The following SORCS1 variants were observed in gnomAD, a reference collection of about 807,000 sequenced individuals.
The protein encoded by SORCS1 is sortilin related VPS10 domain containing receptor 1.
SORCS1 carries 60 observed loss-of-function variants against 146.1 expected under a neutral mutation model. The observed-to-expected ratio is 0.41, with a 90% CI of 0.33 to 0.51. SORCS1 has a LOEUF of 0.51. Ranked by LOEUF, SORCS1 falls within the 20% of genes least tolerant of loss-of-function variation. The probability of loss-of-function intolerance (pLI) is 0.21; values close to 1 mark genes in which losing one functional copy is unlikely to be tolerated. For synonymous variants in SORCS1, 637 were observed against 584.0 expected (o/e 1.09, Z -1.31); for missense variants, 1,352 against 1,487.6 (o/e 0.91, Z 1.50).
intron 2 of SORCS1, among the ~76,000 whole-genome samples, chr10:106,920,353 G>A (rs1038834471): frequency 6.6e-6 from 1 of 152,170 alleles, no homozygotes; most frequent in African/African-American, 2.4e-5. Context: ...AACTCTGGCA[G>A]GCCCCCGGGC....
intron 1 of SORCS1, among the ~76,000 whole-genome samples, chr10:107,155,394 G>T (rs1969195917): frequency 6.6e-6 from 1 of 152,080 alleles, no homozygotes; most frequent in Non-Finnish European, 1.5e-5. Context: ...TAGATGCCTG[G>T]TCCCTTCTCC....
chr10:106,620,248 C>CAG (rs112818359), intron 20 of SORCS1, 180 bp downstream of exon 20: 34,531 of 585,060 alleles, frequency 0.059, 535 homozygotes, highest in East Asian at 0.16. Flanking sequence ...GGAGAGGGGC[C>CAG]AGAGAGAGAG....
chr10:106,935,959 AAATTT>A (rs2138658714), intron 2 of SORCS1, among the ~76,000 whole-genome samples: 1 of 152,248 alleles, frequency 6.6e-6, no homozygotes, highest in East Asian at 1.9e-4. Context: ...CTTGAGAATT[AAATTT>A]AAGAACTGGT....
Position 106,575,460 on chromosome 10 carries a change from A to C in SORCS1, c.*1960T>G. On this transcript the variant is annotated 3_prime_UTR_variant, in exon 26 of 26. Transcript: ENST00000263054. The stretch of plus-strand genomic sequence containing the variant: ...GCAAAGAAGGAGGCTGAGCATACTA[A>C]GAGGTTTATCAGAACTTCTTTCTCC... 6.6e-6 allele frequency: 1 copy of C among 152,228 alleles called. No individual in the cohort carries two copies. The highest frequency in any genetic ancestry group is 1.9e-4 in the East Asian group (1 of 5,198). 9.4% of individuals were successfully genotyped at this position (152,228 alleles called of 1,614,324 possible).
chr10:106,704,846 C>T (rs1422322707), intron 8 of SORCS1, among the ~76,000 whole-genome samples: 1 of 152,052 alleles, frequency 6.6e-6, no homozygotes. Context: ...AGGTGCAAAT[C>T]CTGCAAGTCA....
chr10:106,775,338 C>T (rs887518893), intron 4 of SORCS1, among the ~76,000 whole-genome samples: 6 of 152,154 alleles, frequency 3.9e-5, no homozygotes, highest in Admixed American at 1.3e-4. Flanking sequence ...ATTGTACATT[C>T]TGCTGAAAGG....
chr10:106,836,537 C>A (rs1364905449), intron 2 of SORCS1, among the ~76,000 whole-genome samples: 1 of 146,764 alleles, frequency 6.8e-6, no homozygotes, highest in East Asian at 2.1e-4. Context: ...GCATCCTTAA[C>A]TCCATACTGC....
chr10:106,622,708 C>T (rs1340117297), intron 19 of SORCS1, among the ~76,000 whole-genome samples: 1 of 152,182 alleles, frequency 6.6e-6, no homozygotes, highest in Non-Finnish European at 1.5e-5. Flanking sequence ...CTGCTAACGA[C>T]TCTGTTTTTC....
intron 6 of SORCS1, among the ~76,000 whole-genome samples, chr10:106,723,747 T>C (rs1377082957): frequency 4.6e-5 from 7 of 152,198 alleles, no homozygotes; most frequent in Admixed American, 2.6e-4. Flanking sequence ...AAAGTACTAG[T>C]TTATATAAAT....
intron 17 of SORCS1, among the ~76,000 whole-genome samples, chr10:106,664,840 T>C (rs1476635228): frequency 1.3e-5 from 2 of 152,114 alleles, no homozygotes; most frequent in Non-Finnish European, 2.9e-5. Flanking sequence ...AATCAATTCT[T>C]AAATTAGCTT....
At chr10:107,095,046 G>C (rs1223082259) in intron 1 of SORCS1, among the ~76,000 whole-genome samples, 1 of 152,118 alleles carries the variant, frequency 6.6e-6, no homozygotes, top group Non-Finnish European at 1.5e-5. Flanking sequence ...ATCCCCCCTG[G>C]CCTAGTGTAG....
the SORCS1 span, among the ~76,000 whole-genome samples, chr10:107,176,401 T>G: frequency 7.2e-5 from 11 of 151,856 alleles, no homozygotes; most frequent in South Asian, 2.3e-3. Flanking sequence ...AGTGGTGTGA[T>G]CACTTCTTGC....
chr10:107,129,764 T>C (rs1371422448), intron 1 of SORCS1, among the ~76,000 whole-genome samples: 1 of 152,252 alleles, frequency 6.6e-6, no homozygotes, highest in Non-Finnish European at 1.5e-5. Context: ...AATAACTTCT[T>C]TGATGGCTTG....
chr10:106,950,298 G>T (rs567600963), intron 2 of SORCS1, among the ~76,000 whole-genome samples: 1 of 152,336 alleles, frequency 6.6e-6, no homozygotes, highest in East Asian at 1.9e-4. Flanking sequence ...GTCTTGCCTG[G>T]TTTGTTGATA....
chr10:106,984,433 A>G (rs1956372002), intron 1 of SORCS1, among the ~76,000 whole-genome samples: 1 of 139,984 alleles, frequency 7.1e-6, no homozygotes, highest in East Asian at 2.1e-4. Flanking sequence ...TTGCTCTGTC[A>G]TCCAGGCTAG....
At chr10:106,955,235 A>G (rs1164829710) in intron 2 of SORCS1, among the ~76,000 whole-genome samples, 2 of 152,192 alleles carry the variant, frequency 1.3e-5, no homozygotes, top group African/African-American at 2.4e-5. Flanking sequence ...CAGTTCCATG[A>G]TTGCTGGTGT....
intron 1 of SORCS1, among the ~76,000 whole-genome samples, chr10:106,963,305 C>T (rs1277154832): frequency 2.6e-5 from 4 of 151,724 alleles, no homozygotes; most frequent in Non-Finnish European, 4.4e-5. Context: ...TTAGTAGAGA[C>T]AGGGTTTCAC....
At chr10:106,629,941 G>A (rs2133580374) in intron 18 of SORCS1, among the ~76,000 whole-genome samples, 1 of 152,282 alleles carries the variant, frequency 6.6e-6, no homozygotes, top group South Asian at 2.1e-4. Flanking sequence ...CTACTCGGGG[G>A]GGCTGAGGCG....
intron 3 of SORCS1, among the ~76,000 whole-genome samples, chr10:106,818,071 AC>A (rs1173464205): frequency 1.3e-5 from 2 of 152,148 alleles, no homozygotes; most frequent in Non-Finnish European, 2.9e-5. Flanking sequence ...TTTTATATTC[AC>A]CTTTATGCTT....
Sources: allele counts gnomAD v4.1 joint callset (sites outside exome capture counted in the v4.1 genomes callset), GRCh38; gene constraint gnomAD v4.1.1; transcripts MANE v1.5; gene names NCBI Gene and HGNC (gene_info 2026-07-23, HGNC 2026-07-21).